The following THSD7A variants were observed in gnomAD, a reference collection of about 807,000 sequenced individuals.
THSD7A encodes the protein thrombospondin type-1 domain-containing protein 7A.
A neutral mutation model predicts 231.3 loss-of-function variants in THSD7A; 96 were observed. The observed-to-expected ratio is 0.41, with a 90% CI of 0.35 to 0.49. The LOEUF (loss-of-function observed/expected upper bound fraction) is 0.49. Ranked by LOEUF, THSD7A falls within the 20% of genes least tolerant of loss-of-function variation. THSD7A has a pLI of 0.05. For missense variants in THSD7A, 2,290 were observed against 2,070.2 expected (o/e 1.11, Z -2.06); for synonymous variants, 940 against 743.3 (o/e 1.26, Z -4.30).
chr7:11,559,803 T>C (rs1306038108), intron 4 of THSD7A, among the ~76,000 whole-genome samples: 1 of 152,186 alleles, frequency 6.6e-6, no homozygotes, highest in Non-Finnish European at 1.5e-5. Context: ...TAACACTAAG[T>C]GCTGGAGAAG....
intron 6 of THSD7A, among the ~76,000 whole-genome samples, chr7:11,536,351 G>C (rs1236190643): frequency 1.3e-5 from 2 of 152,088 alleles, no homozygotes; most frequent in African/African-American, 4.8e-5. Context: ...TGGATCCCAT[G>C]TGATCCCTTT....
chr7:11,695,612 A>T (rs1235951826), intron 1 of THSD7A, among the ~76,000 whole-genome samples: 1 of 151,538 alleles, frequency 6.6e-6, no homozygotes, highest in Non-Finnish European at 1.5e-5. Context: ...GAGGAAATTA[A>T]ACTGTCAAAT....
Position 11,831,704 on chromosome 7 carries a change from T to C in THSD7A, c.190+53A>G. On this transcript the variant is annotated intron_variant, in intron 1 of 27. Coordinates refer to ENST00000423059, the MANE Select transcript of THSD7A (RefSeq NM_015204.3). The surrounding 1 kb of genome is among the most constrained non-coding windows in gnomAD (Gnocchi z 5.0). ...GTCCCTACAGAAGCCCACCAGCTCC[T>C]TAATGTGGCCCCAGATGTGAAGATG... is the stretch of plus-strand genomic sequence containing the variant. 1.5e-6 allele frequency: 2 copies of C among 1,302,110 alleles called. No homozygotes were observed. Among genetic ancestry groups the C allele is most frequent in the Admixed American group, 3.1e-5 (1 of 31,994 alleles). The allele number at this position is 1,302,110 out of a possible 1,614,324, so 80.7% of individuals were successfully genotyped here.
At chr7:11,641,717 C>T (rs144324580) in intron 1 of THSD7A, among the ~76,000 whole-genome samples, 1 of 150,352 alleles carries the variant, frequency 6.7e-6, no homozygotes, top group African/African-American at 2.4e-5. Flanking sequence ...CCAGTGAAAG[C>T]AGAGGTGGAA....
chr7:11,618,705 G>C (rs1040951551), intron 2 of THSD7A, among the ~76,000 whole-genome samples: 1 of 151,730 alleles, frequency 6.6e-6, no homozygotes, highest in African/African-American at 2.4e-5. Context: ...GCAGAATGGC[G>C]TGAACCCGGG....
intron 4 of THSD7A, among the ~76,000 whole-genome samples, chr7:11,563,163 G>C (rs1317053747): frequency 6.6e-6 from 1 of 151,290 alleles, no homozygotes; most frequent in Non-Finnish European, 1.5e-5. Context: ...TCTCAGCCTG[G>C]TTAATATAAT....
At position 11,444,783 on chromosome 7, in the gene THSD7A, C is replaced by T. The variant is rs940613705; in HGVS notation, c.3064+1278G>A. Reference sequence around the variant, plus strand: ...AAGAGAGGGGGCACAGTTGTCTGCTCTGTGTGTGTGTGTGTGTGTGTGTGT... The same window carrying T: ...AAGAGAGGGGGCACAGTTGTCTGCTTTGTGTGTGTGTGTGTGTGTGTGTGT... On this transcript the variant is annotated intron_variant, in intron 13 of 27. Transcript: ENST00000423059. The surrounding 1 kb of genome is among the most constrained non-coding windows in gnomAD (Gnocchi z 4.2). Among the ~76,000 whole-genome samples the T allele has an allele frequency of 6.9e-6, 1 of 144,558 alleles. No individual in the cohort carries two copies. Among genetic ancestry groups the T allele is most frequent in the Admixed American group, 7.0e-5 (1 of 14,256 alleles). 94.8% of individuals were successfully genotyped at this position (144,558 alleles called of 152,430 possible).
At position 11,590,571 on chromosome 7, in the gene THSD7A, G is replaced by A. The variant is rs535672503; in HGVS notation, c.1342C>T (p.Arg448Cys). 1.2e-5 allele frequency: 20 copies of A among 1,613,822 alleles called. No individual in the cohort carries two copies. The highest frequency in any genetic ancestry group is 4.0e-5 in the African/African-American group (3 of 75,018). The part of the protein sequence containing the change: ...DPLLSQQDKR[R>C]GNQTALCGGG... ...CCACAGAGGGCCGTCTGGTTGCCGCGCCTCTTGTCCTGCTGACTGAGCAAA... is the reference window on the plus strand; with the variant it reads ...CCACAGAGGGCCGTCTGGTTGCCGCACCTCTTGTCCTGCTGACTGAGCAAA... Residue 448 changes from arginine to cysteine, a missense_variant, in exon 4 of 28, where the codon CGC (arginine) becomes TGC (cysteine). By Grantham distance (180) the Arg-to-Cys change is radical. Transcript: ENST00000423059. This position sits in a 1 kb window ranked among gnomAD's most constrained non-coding sequence, Gnocchi z 4.4.
At chr7:11,507,037 A>G (rs1470928400) in intron 6 of THSD7A, among the ~76,000 whole-genome samples, 1 of 152,150 alleles carries the variant, frequency 6.6e-6, no homozygotes, top group Admixed American at 6.5e-5. Flanking sequence ...GTGATTTTTA[A>G]AAGTTCCTGA....
rs150230502 is a variant in THSD7A, at chr7:11,500,012, T to C, written c.1823-18030A>G. On this transcript the variant is annotated intron_variant, in intron 6 of 27. Coordinates refer to ENST00000423059, the MANE Select transcript of THSD7A (RefSeq NM_015204.3). ...ACAAGAAGATCATCCATCCCCTAGA[T>C]ACATAATCATCAGATTTTCCAAGGT... 5.5e-4 allele frequency among the ~76,000 whole-genome samples: 84 copies of C among 152,238 alleles called. No individual in the cohort carries two copies. The East Asian group carries it at 0.015, about 28-fold the overall frequency.
chr7:11,648,611 A>G (rs1223857022), intron 1 of THSD7A, among the ~76,000 whole-genome samples: 1 of 136,278 alleles, frequency 7.3e-6, no homozygotes, highest in African/African-American at 2.7e-5. Context: ...CTAGGACCCA[A>G]TAGCTTGTCA....
Position 11,593,254 on chromosome 7 carries a change from G to A in THSD7A, c.1271C>T (p.Thr424Met), listed in dbSNP as rs951200337. Residue 424 changes from threonine (T) to methionine (M), a missense_variant and splice_region_variant, in exon 3 of 28, where the codon ACG becomes ATG. Physicochemically the swap from Thr to Met is moderately conservative, Grantham distance 81. Transcript: ENST00000423059. ...SQGDGVVPCA[T>M]YGWRTTEWTE... is the part of the protein sequence containing the mutation. Reference sequence around the variant, plus strand: ...GCTATACCCTTCTTTATTTACTCACGTGGCACAGGGGACAACTCCATCTCC... The same window carrying A: ...GCTATACCCTTCTTTATTTACTCACATGGCACAGGGGACAACTCCATCTCC... 25 of 1,613,584 alleles carry A rather than the reference G, an allele frequency of 1.5e-5. No homozygotes were observed. The highest frequency in any genetic ancestry group is 2.2e-5 in the South Asian group (2 of 91,080).
chr7:11,647,498 C>T (rs1480258457), intron 1 of THSD7A, among the ~76,000 whole-genome samples: 2 of 152,076 alleles, frequency 1.3e-5, no homozygotes, highest in Non-Finnish European at 2.9e-5. Flanking sequence ...TACTACTACT[C>T]AAATTAGAAG....
chr7:11,507,637 T>C (rs2128312289), intron 6 of THSD7A, among the ~76,000 whole-genome samples: 1 of 151,990 alleles, frequency 6.6e-6, no homozygotes, highest in East Asian at 1.9e-4. Flanking sequence ...CTGGAGTTGT[T>C]ACATACAAAT....
At chr7:11,689,763 T>A (rs1341494145) in intron 1 of THSD7A, among the ~76,000 whole-genome samples, 3 of 150,202 alleles carry the variant, frequency 2.0e-5, no homozygotes, top group African/African-American at 7.3e-5. Context: ...GCTTTTTATG[T>A]ATGGTGCCTA....
chr7:11,701,868 A>G (rs1318456138), intron 1 of THSD7A, among the ~76,000 whole-genome samples: 2 of 151,212 alleles, frequency 1.3e-5, no homozygotes, highest in Non-Finnish European at 3.0e-5. Flanking sequence ...CTTCTCAATC[A>G]GTCTCTCTAC....
chr7:11,533,500 C>T (rs1788789319), intron 6 of THSD7A, among the ~76,000 whole-genome samples: 2 of 152,100 alleles, frequency 1.3e-5, no homozygotes, highest in African/African-American at 2.4e-5. Flanking sequence ...CCCAAATGTC[C>T]ATCAAAGATA....
chr7:11,704,161 G>A (rs946189663), intron 1 of THSD7A, among the ~76,000 whole-genome samples: 2 of 150,996 alleles, frequency 1.3e-5, no homozygotes, highest in Non-Finnish European at 3.0e-5. Context: ...CCTACAACAA[G>A]TTATTTGAAA....
At chr7:11,591,948 C>T (rs534818239) in intron 3 of THSD7A, among the ~76,000 whole-genome samples, 113 of 152,192 alleles carry the variant, frequency 7.4e-4, no homozygotes, top group African/African-American at 2.6e-3. Context: ...AAATGCTTCC[C>T]CCCAAAAAGG....
Sources: allele counts gnomAD v4.1 joint callset (sites outside exome capture counted in the v4.1 genomes callset), GRCh38; gene constraint gnomAD v4.1.1; non-coding constraint Gnocchi (gnomAD v3.1); transcripts MANE v1.5; gene names NCBI Gene and HGNC (gene_info 2026-07-23, HGNC 2026-07-21).